CSMD3: variants seen among roughly 807,000 people sequenced by gnomAD.
The protein encoded by CSMD3 is CUB and sushi domain-containing protein 3.
CSMD3 carries 177 observed loss-of-function variants against 435.2 expected under a neutral mutation model. The ratio of observed to expected loss-of-function variants is 0.41; its 90% confidence interval spans 0.36 to 0.46. The LOEUF is 0.46. Among genes scored for constraint, CSMD3 ranks in the 20% least tolerant of loss-of-function variants. The probability of loss-of-function intolerance (pLI) is 0.34; values close to 1 mark genes in which losing one functional copy is unlikely to be tolerated. For synonymous variants in CSMD3, 1,656 were observed against 1,520.5 expected (o/e 1.09, Z -2.07); for missense variants, 4,265 against 4,504.6 (o/e 0.95, Z 1.52).
At position 112,598,888 on chromosome 8, in the gene CSMD3, A is replaced by C. The variant is rs1448099179; in HGVS notation, c.3716-11653T>G. On this transcript the variant is annotated intron_variant, in intron 22 of 70. Coordinates refer to ENST00000297405, the MANE Select transcript of CSMD3 (RefSeq NM_198123.2). ...TCAATTCAAGATGGATTAAAGACTT[A>C]AACGTTAGACCTAAAACCATAAAAA... Among the ~76,000 whole-genome samples, 13 of 152,270 alleles carry C rather than the reference A, an allele frequency of 8.5e-5. No individual in the cohort carries two copies. In the East Asian group the frequency reaches 1.9e-3, roughly 23 times the overall value.
chr8:113,026,082 C>T (rs914735108), intron 5 of CSMD3, among the ~76,000 whole-genome samples: 6 of 152,160 alleles, frequency 3.9e-5, no homozygotes, highest in African/African-American at 1.4e-4. Flanking sequence ...CACTCTGGAG[C>T]AATGCAGCCA....
At chr8:113,315,296 A>T (rs1484705879) in intron 1 of CSMD3, among the ~76,000 whole-genome samples, 1 of 152,080 alleles carries the variant, frequency 6.6e-6, no homozygotes, top group Non-Finnish European at 1.5e-5. Flanking sequence ...AATCTGTCTC[A>T]CCCTGATTAT....
At chr8:113,404,901 A>G (rs4531082) in intron 1 of CSMD3, among the ~76,000 whole-genome samples, 118,118 of 151,278 alleles carry the variant, frequency 0.78, 46,719 homozygotes, top group East Asian at 0.94. Context: ...TAAAAAATAT[A>G]AATTATGTAT....
At chr8:113,041,536 G>A (rs996860664) in intron 5 of CSMD3, among the ~76,000 whole-genome samples, 2 of 152,080 alleles carry the variant, frequency 1.3e-5, no homozygotes, top group African/African-American at 4.8e-5. Context: ...GGAGCCTTGG[G>A]AGGTTTTTGC....
rs1037589430 is a variant in CSMD3 at position 112,341,773 on chromosome 8, T to G, written c.6443-87A>C. On this transcript the variant is annotated intron_variant, in intron 41 of 70. Transcript: ENST00000297405. ...CACACACACAATCACATCAATGTAC[T>G]TAGATAAGTTTGCATTTAAGTCAAG... is the stretch of plus-strand genomic sequence containing the variant. 5 of 873,748 alleles carry G rather than the reference T, an allele frequency of 5.7e-6. No individual in the cohort carries two copies. In the African/African-American group the frequency reaches 8.3e-5, roughly 15 times the overall value. 54.1% of individuals were successfully genotyped at this position (873,748 alleles called of 1,614,324 possible).
intron 32 of CSMD3, among the ~76,000 whole-genome samples, chr8:112,467,416 T>C (rs1586421857): frequency 2.0e-5 from 3 of 152,314 alleles, no homozygotes; most frequent in East Asian, 3.9e-4. Context: ...ATCCTCAGGA[T>C]GTTTTACATG....
intron 5 of CSMD3, among the ~76,000 whole-genome samples, chr8:113,085,070 T>C (rs1421647023): frequency 6.6e-6 from 1 of 152,058 alleles, no homozygotes; most frequent in African/African-American, 2.4e-5. Flanking sequence ...AAATATTTTA[T>C]GATTACAAAA....
intron 3 of CSMD3, among the ~76,000 whole-genome samples, chr8:113,179,886 C>A (rs2092400018): frequency 6.6e-6 from 1 of 151,712 alleles, no homozygotes; most frequent in African/African-American, 2.4e-5. Flanking sequence ...AAAAAATACC[C>A]AATTTGTTGG....
intron 4 of CSMD3, among the ~76,000 whole-genome samples, chr8:113,146,757 G>A (rs910379274): frequency 1.1e-4 from 16 of 151,586 alleles, no homozygotes; most frequent in African/African-American, 3.1e-4. Flanking sequence ...CCATATACAC[G>A]AAAACATATA....
chr8:112,802,254 A>G (rs1200891132), intron 12 of CSMD3, among the ~76,000 whole-genome samples: 1 of 152,026 alleles, frequency 6.6e-6, no homozygotes, highest in African/African-American at 2.4e-5. Flanking sequence ...TTTAATAGTT[A>G]AATGAGACTT....
chr8:113,122,256 T>C (rs1419880796), intron 4 of CSMD3, among the ~76,000 whole-genome samples: 1 of 152,128 alleles, frequency 6.6e-6, no homozygotes, highest in African/African-American at 2.4e-5. Context: ...TAAGTCTATA[T>C]TACATTTGGG....
intron 3 of CSMD3, among the ~76,000 whole-genome samples, chr8:113,199,298 T>A (rs555620638): frequency 1.8e-4 from 28 of 151,696 alleles, no homozygotes; most frequent in African/African-American, 6.5e-4. Context: ...AGATTTCAAT[T>A]TCTTAAGCAA....
intron 61 of CSMD3, among the ~76,000 whole-genome samples, chr8:112,263,231 AT>A (rs1238822722): frequency 6.6e-6 from 1 of 152,020 alleles, no homozygotes; most frequent in Non-Finnish European, 1.5e-5. Context: ...CCCAATCATT[AT>A]CATGACAAAT....
intron 59 of CSMD3, among the ~76,000 whole-genome samples, chr8:112,273,265 A>C (rs1817692383): frequency 1.4e-5 from 2 of 145,910 alleles, no homozygotes; most frequent in South Asian, 4.3e-4. Flanking sequence ...TAAATAAACA[A>C]AATTGTTATT....
chr8:112,941,756 C>T (rs1258045789), intron 9 of CSMD3, among the ~76,000 whole-genome samples: 5 of 151,518 alleles, frequency 3.3e-5, no homozygotes, highest in Middle Eastern at 6.8e-3. Context: ...TATGAAATCA[C>T]GTGTATGTCT....
At chr8:112,332,699 G>C (rs1347936314) in intron 45 of CSMD3, among the ~76,000 whole-genome samples, 1 of 152,072 alleles carries the variant, frequency 6.6e-6, no homozygotes, top group East Asian at 1.9e-4. Context: ...CAAACAGTAG[G>C]CTTCATTAGG....
At chr8:112,589,020 A>G (rs2131361541) in intron 22 of CSMD3, among the ~76,000 whole-genome samples, 1 of 152,292 alleles carries the variant, frequency 6.6e-6, no homozygotes, top group Admixed American at 6.5e-5. Context: ...TTAGAAGAGA[A>G]TGCAAATTAT....
intron 1 of CSMD3, among the ~76,000 whole-genome samples, chr8:113,384,353 G>A (rs1331279921): frequency 6.6e-6 from 1 of 152,120 alleles, no homozygotes; most frequent in Non-Finnish European, 1.5e-5. Flanking sequence ...CATTATTGAA[G>A]AAGATTTCTG....
intron 3 of CSMD3, among the ~76,000 whole-genome samples, chr8:113,259,887 T>C (rs557031063): frequency 1.3e-5 from 2 of 152,218 alleles, no homozygotes; most frequent in Admixed American, 6.5e-5. Context: ...GTAGTTCCCA[T>C]AATCCCCATG....
Sources: gnomAD v4.1 joint callset for allele counts (sites outside exome capture counted in the v4.1 genomes callset) on GRCh38, gnomAD v4.1.1 for gene constraint, MANE v1.5 for transcripts, NCBI Gene and HGNC (gene_info 2026-07-23, HGNC 2026-07-21) for gene names.